MLLT3: variants seen among roughly 807,000 people sequenced by gnomAD.
MLLT3 encodes protein AF-9.
In MLLT3, 4 loss-of-function variants were observed where a neutral mutation model predicts 53.2. The ratio of observed to expected loss-of-function variants is 0.08; its 90% CI spans 0.04 to 0.17. The LOEUF is 0.17. Ranked by LOEUF, MLLT3 falls within the 10% of genes least tolerant of loss-of-function variation. The probability of loss-of-function intolerance (pLI) is 1.00; values close to 1 mark genes in which losing one functional copy is unlikely to be tolerated. For synonymous variants in MLLT3, 283 were observed against 230.6 expected, an observed-to-expected ratio of 1.23 and a Z score of -2.06; for missense variants, 569 against 684.0, an observed-to-expected ratio of 0.83 and a Z score of 1.87.
intron 5 of MLLT3, among the ~76,000 whole-genome samples, chr9:20,389,185 A>G (rs1006816928): frequency 6.6e-6 from 1 of 152,220 alleles, no homozygotes. Flanking sequence ...CTCAGACATA[A>G]AAACTAATGA....
chr9:20,477,173 G>T (rs1177794460), intron 2 of MLLT3, among the ~76,000 whole-genome samples: 1 of 152,036 alleles, frequency 6.6e-6, no homozygotes, highest in Non-Finnish European at 1.5e-5. Flanking sequence ...GGAACCATGG[G>T]TTCCTTTCTT....
chr9:20,569,683 AGTTCT>A (rs1819478651), intron 2 of MLLT3, among the ~76,000 whole-genome samples: 1 of 152,182 alleles, frequency 6.6e-6, no homozygotes, highest in African/African-American at 2.4e-5. Flanking sequence ...TAGAACACCC[AGTTCT>A]AAAGGTTTGG....
chr9:20,543,076 T>C (rs1159647385), intron 2 of MLLT3, among the ~76,000 whole-genome samples: 2 of 152,266 alleles, frequency 1.3e-5, no homozygotes, highest in African/African-American at 4.8e-5. Flanking sequence ...GGCCTTGCTC[T>C]GGATTAGGCT....
At chr9:20,529,706 A>G (rs1426818993) in intron 2 of MLLT3, among the ~76,000 whole-genome samples, 1 of 151,884 alleles carries the variant, frequency 6.6e-6, no homozygotes, top group Non-Finnish European at 1.5e-5. Context: ...GAGACTAGAA[A>G]AGATGATTAA....
intron 2 of MLLT3, among the ~76,000 whole-genome samples, chr9:20,578,120 G>A (rs1038784434): frequency 4.6e-5 from 7 of 152,176 alleles, no homozygotes; most frequent in Admixed American, 2.0e-4. Context: ...GGAATTATTA[G>A]TGGCTGGCAT....
chr9:20,510,239 G>C (rs1398435809), intron 2 of MLLT3, among the ~76,000 whole-genome samples: 2 of 152,124 alleles, frequency 1.3e-5, no homozygotes, highest in African/African-American at 4.8e-5. Context: ...AATGAGCAAT[G>C]AATAGGAGAA....
chr9:20,346,632 G>T (rs1820877402), intron 10 of MLLT3, 58 bp from the exon 11 acceptor site: 2 of 1,562,884 alleles, frequency 1.3e-6, no homozygotes, highest in Non-Finnish European at 1.7e-6. Context: ...AAAAGGCAAA[G>T]AGAGAGTAAT....
intron 2 of MLLT3, among the ~76,000 whole-genome samples, chr9:20,592,463 T>C (rs1160667120): frequency 1.3e-5 from 2 of 152,176 alleles, no homozygotes; most frequent in East Asian, 3.9e-4. Context: ...CATGGTCTTT[T>C]CTTGGTGTGT....
Position 20,591,447 on chromosome 9 carries a change from G to A in MLLT3, c.193+29207C>T, listed in dbSNP as rs185422795. ...TATTCAGCAAATGCAGCCACAGAAC[G>A]ACTCAGCCTGGCCCACAAAATGAAC... On this transcript the variant is annotated intron_variant, in intron 2 of 10. Coordinates refer to ENST00000380338, the MANE Select transcript of MLLT3 (RefSeq NM_004529.4). 7.5e-4 allele frequency among the ~76,000 whole-genome samples: 114 copies of A among 152,262 alleles called. 1 individual carries two copies. In the Middle Eastern group the frequency reaches 0.017, roughly 23 times the overall value.
chr9:20,385,694 T>C (rs1448965831), intron 5 of MLLT3, among the ~76,000 whole-genome samples: 1 of 152,086 alleles, frequency 6.6e-6, no homozygotes, highest in Non-Finnish European at 1.5e-5. Context: ...GTCACAACAT[T>C]TAAAAATGTC....
chr9:20,510,210 A>G (rs988747395), intron 2 of MLLT3, among the ~76,000 whole-genome samples: 4 of 152,242 alleles, frequency 2.6e-5, no homozygotes, highest in Admixed American at 1.3e-4. Flanking sequence ...ATAAGCAAAA[A>G]GAATCCAAGA....
intron 5 of MLLT3, among the ~76,000 whole-genome samples, chr9:20,373,703 AT>A (rs1217021427): frequency 6.6e-6 from 1 of 152,198 alleles, no homozygotes; most frequent in East Asian, 1.9e-4. Flanking sequence ...ATGTAACCTC[AT>A]TAGTTACATT....
intron 10 of MLLT3, among the ~76,000 whole-genome samples, chr9:20,352,323 T>C (rs1006174827): frequency 2.0e-5 from 3 of 152,166 alleles, no homozygotes; most frequent in Non-Finnish European, 4.4e-5. Flanking sequence ...GAGCTGGTGT[T>C]TGGGAAGAGA....
intron 8 of MLLT3, among the ~76,000 whole-genome samples, chr9:20,357,981 G>GCACACACACA (rs3222132): frequency 1.9e-3 from 261 of 139,432 alleles, no homozygotes; most frequent in African/African-American, 6.4e-3. Context: ...TCCCTCCTGC[G>GCACACACACA]CACACACACA....
intron 4 of MLLT3, among the ~76,000 whole-genome samples, chr9:20,419,882 A>G (rs1177486708): frequency 6.6e-6 from 1 of 152,198 alleles, no homozygotes; most frequent in African/African-American, 2.4e-5. Context: ...CTTGCACAAT[A>G]TACAGATTTA....
intron 6 of MLLT3, among the ~76,000 whole-genome samples, chr9:20,364,951 T>C (rs902180486): frequency 6.6e-6 from 1 of 152,218 alleles, no homozygotes; most frequent in South Asian, 2.1e-4. Context: ...AGTTAACACT[T>C]GATCATGAGT....
intron 2 of MLLT3, among the ~76,000 whole-genome samples, chr9:20,570,348 G>A (rs1192704053): frequency 6.6e-6 from 1 of 152,082 alleles, no homozygotes; most frequent in Non-Finnish European, 1.5e-5. Context: ...AACAACAACA[G>A]CAGAGTCAAA....
intron 2 of MLLT3, among the ~76,000 whole-genome samples, chr9:20,528,487 G>A (rs79528205): frequency 2.0e-5 from 3 of 152,308 alleles, no homozygotes; most frequent in Admixed American, 6.5e-5. Context: ...TTCTGGAGGC[G>A]AGTAGCTCAC....
At chr9:20,604,865 T>TA (rs1820523228) in intron 2 of MLLT3, among the ~76,000 whole-genome samples, 1 of 152,124 alleles carries the variant, frequency 6.6e-6, no homozygotes, top group African/African-American at 2.4e-5. Flanking sequence ...TTAACAATGT[T>TA]AAACTTTTAT....
Sources: allele counts gnomAD v4.1 joint callset (sites outside exome capture counted in the v4.1 genomes callset), GRCh38; gene constraint gnomAD v4.1.1; transcripts MANE v1.5; gene names NCBI Gene and HGNC (gene_info 2026-07-23, HGNC 2026-07-21).